TRPM8: variants seen among roughly 807,000 people sequenced by gnomAD.
TRPM8 encodes the protein transient receptor potential cation channel subfamily M member 8.
Under a neutral mutation model 133.7 loss-of-function variants are expected in TRPM8, and 110 were observed. That is an observed-to-expected ratio of 0.82 (90% CI 0.70 to 0.96). The LOEUF (loss-of-function observed/expected upper bound fraction) is 0.96, where lower values mean the gene tolerates loss of function less well. Among genes scored for constraint, TRPM8 ranks in the 40% least tolerant of loss-of-function variants. The probability of loss-of-function intolerance (pLI) is 0.00; values close to 1 mark genes in which losing one functional copy is unlikely to be tolerated. For missense variants in TRPM8, 1,291 were observed against 1,379.5 expected (o/e 0.94, Z 1.02); for synonymous variants, 535 against 532.3 (o/e 1.01, Z -0.07).
intron 24 of TRPM8, among the ~76,000 whole-genome samples, chr2:234,010,545 T>C (rs188033032): frequency 4.6e-5 from 7 of 152,344 alleles, no homozygotes; most frequent in Admixed American, 4.6e-4. Context: ...TTGTTTTTTT[T>C]GAGGAACTTC....
At chr2:233,975,016 A>C (rs964708023) in intron 17 of TRPM8, among the ~76,000 whole-genome samples, 27 of 152,136 alleles carry the variant, frequency 1.8e-4, no homozygotes, top group Admixed American at 6.5e-5. Context: ...TTATTTAGAG[A>C]ATAAGAGGAT....
chr2:233,941,203 T>A (rs1470444815), intron 5 of TRPM8, among the ~76,000 whole-genome samples: 1 of 152,164 alleles, frequency 6.6e-6, no homozygotes, highest in Non-Finnish European at 1.5e-5. Context: ...GGTGATTTAG[T>A]TATATATTGT....
rs201910576 is a variant in TRPM8, at chr2:233,970,197, T to C, written c.2139-13T>C. 8.9e-4 allele frequency: 1,441 copies of C among 1,613,650 alleles called. 2 individuals are homozygous for C. The highest frequency in any genetic ancestry group is 1.8e-3 in the Middle Eastern group (11 of 6,062). ...TGCAAGGATGCTGACGATGCCCTTA[T>C]CTCTGGGTCCAGGAAGAAACCTGTC... On this transcript the variant is annotated splice_polypyrimidine_tract_variant and intron_variant, in intron 16 of 25. Transcript: ENST00000324695.
intron 11 of TRPM8, among the ~76,000 whole-genome samples, chr2:233,958,256 G>A (rs1259507403): frequency 5.9e-5 from 9 of 152,072 alleles, no homozygotes; most frequent in South Asian, 2.1e-4. Flanking sequence ...TTTCATCCTC[G>A]CAACCATCTA....
At chr2:233,976,258 G>A (rs1209122910) in intron 17 of TRPM8, among the ~76,000 whole-genome samples, 2 of 152,130 alleles carry the variant, frequency 1.3e-5, no homozygotes, top group African/African-American at 4.8e-5. Context: ...TGGGAGGTTG[G>A]CCCAGAGGAC....
At chr2:234,015,025 G>A (rs1692925364) in intron 25 of TRPM8, among the ~76,000 whole-genome samples, 1 of 152,154 alleles carries the variant, frequency 6.6e-6, no homozygotes, top group African/African-American at 2.4e-5. Context: ...TCTGTATCAT[G>A]AATGTATTTA....
intron 12 of TRPM8, among the ~76,000 whole-genome samples, chr2:233,962,569 T>C (rs1428968325): frequency 6.6e-6 from 1 of 152,194 alleles, no homozygotes; most frequent in Admixed American, 6.5e-5. Flanking sequence ...TTATGGAATT[T>C]TTAGAGTGCG....
At position 233,964,630 on chromosome 2, in the gene TRPM8, C is replaced by G; in HGVS notation, c.1752C>G (p.Thr584=). Residue 584 remains threonine, a splice_region_variant and synonymous_variant, in exon 14 of 26, where the codon ACC becomes ACG. Transcript: ENST00000324695. ...KELSKVIWEQ[T]RGCTLAALGA... ...AAATTCTTCACCCCCCTAAAAAGAC[C>G]AGGGGCTGCACTCTGGCAGCCCTGG... 1 of 1,571,256 alleles carries G rather than the reference C, an allele frequency of 6.4e-7. No homozygotes were observed. The highest frequency in any genetic ancestry group is 8.6e-7 in the Non-Finnish European group (1 of 1,156,252).
At chr2:234,009,102 A>G (rs759452235) in intron 24 of TRPM8, among the ~76,000 whole-genome samples, 1 of 152,090 alleles carries the variant, frequency 6.6e-6, no homozygotes, top group Admixed American at 6.5e-5. Flanking sequence ...GCTGGATTTT[A>G]TTCCCATGCA....
At chr2:233,934,245 C>T (rs547096383) in intron 3 of TRPM8, among the ~76,000 whole-genome samples, 1 of 152,290 alleles carries the variant, frequency 6.6e-6, no homozygotes, top group Admixed American at 6.5e-5. Flanking sequence ...CCCGTTCCTG[C>T]CTCCACCTCT....
intron 11 of TRPM8, among the ~76,000 whole-genome samples, chr2:233,957,499 A>C (rs1483586020): frequency 2.0e-5 from 3 of 152,154 alleles, no homozygotes; most frequent in East Asian, 1.9e-4. Flanking sequence ...AAAACAAACA[A>C]ACACACACAA....
At chr2:233,930,399 A>T (rs1265049844) in intron 2 of TRPM8, among the ~76,000 whole-genome samples, 1 of 152,232 alleles carries the variant, frequency 6.6e-6, no homozygotes, top group Admixed American at 6.5e-5. Flanking sequence ...GGAAAAACAT[A>T]ATTTGTATGT....
intron 1 of TRPM8, among the ~76,000 whole-genome samples, chr2:233,926,044 C>T (rs1254577473): frequency 6.6e-6 from 1 of 152,188 alleles, no homozygotes; most frequent in Non-Finnish European, 1.5e-5. Context: ...CCCTACCCAC[C>T]ACCCTTCAGG....
chr2:233,980,340 C>G, intron 18 of TRPM8, 61 bp downstream of exon 18: 1 of 1,147,448 alleles, frequency 8.7e-7, no homozygotes, highest in Non-Finnish European at 1.3e-6. Flanking sequence ...TGGAGAAAAG[C>G]TCTGCAGACA....
intron 17 of TRPM8, among the ~76,000 whole-genome samples, chr2:233,973,268 T>G (rs961822432): frequency 6.6e-6 from 1 of 152,208 alleles, no homozygotes; most frequent in African/African-American, 2.4e-5. Context: ...CCTCATGGCT[T>G]TAATAACAGA....
chr2:233,980,417 T>G, intron 18 of TRPM8, 138 bp downstream of exon 18: 1 of 571,724 alleles, frequency 1.7e-6, no homozygotes, highest in East Asian at 3.2e-5. Context: ...GTCTGCTTTA[T>G]AGAGATACAC....
At chr2:233,998,804 A>T (rs1421017807) in intron 22 of TRPM8, among the ~76,000 whole-genome samples, 1 of 152,078 alleles carries the variant, frequency 6.6e-6, no homozygotes, top group Non-Finnish European at 1.5e-5. Context: ...CTACCCATTC[A>T]GTTAGAGTGA....
intron 22 of TRPM8, among the ~76,000 whole-genome samples, chr2:234,004,544 C>G (rs75668105): frequency 3.9e-5 from 6 of 152,152 alleles, no homozygotes; most frequent in Non-Finnish European, 8.8e-5. Flanking sequence ...GAGAAAAATG[C>G]GAGATTTTTC....
At position 233,937,386 on chromosome 2, in the gene TRPM8, C is replaced by T. The variant is rs369732293; in HGVS notation, c.225C>T (p.Ser75=). The change falls in exon 4 of 26, where the codon AGC becomes AGT. Residue 75 remains serine (S), a synonymous_variant. Transcript: ENST00000324695. ...TGTGCAAGTGTGGCTATGCCCAGAGCCAGCACATGGAAGGCACCCAGATCA... is the reference window on the plus strand; with the variant it reads ...TGTGCAAGTGTGGCTATGCCCAGAGTCAGCACATGGAAGGCACCCAGATCA... The part of the protein sequence containing the change: ...ENVCKCGYAQ[S]QHMEGTQINQ... 19 of 1,614,040 alleles carry T rather than the reference C, an allele frequency of 1.2e-5. No individual in the cohort carries two copies. Among genetic ancestry groups the T allele is most frequent in the Non-Finnish European group, 1.6e-5 (19 of 1,180,036 alleles).
Sources: gnomAD v4.1 joint callset for allele counts (sites outside exome capture counted in the v4.1 genomes callset) on GRCh38, gnomAD v4.1.1 for gene constraint, MANE v1.5 for transcripts, NCBI Gene and HGNC (gene_info 2026-07-23, HGNC 2026-07-21) for gene names.